The following AATF variants were observed in gnomAD, a reference collection of about 807,000 sequenced individuals.
AATF encodes protein AATF.
Under a neutral mutation model 63.7 loss-of-function variants are expected in AATF, and 48 were observed. The ratio of observed to expected loss-of-function variants is 0.75; its 90% CI spans 0.60 to 0.96. The LOEUF (loss-of-function observed/expected upper bound fraction) is 0.96. AATF is among the 40% of genes least tolerant of loss of function. The probability of loss-of-function intolerance (pLI) is 0.00; values close to 1 mark genes in which losing one functional copy is unlikely to be tolerated. For synonymous variants in AATF, 258 were observed against 247.7 expected, an observed-to-expected ratio of 1.04 and a Z score of -0.39; for missense variants, 639 against 685.7, an observed-to-expected ratio of 0.93 and a Z score of 0.76.
intron 9 of AATF, among the ~76,000 whole-genome samples, chr17:37,019,609 G>C (rs939519622): frequency 6.6e-6 from 1 of 152,122 alleles, no homozygotes; most frequent in Non-Finnish European, 1.5e-5. Flanking sequence ...TTCATCCTGT[G>C]GTTGGAAAAT....
At chr17:36,972,913 C>A (rs2071050582) in intron 4 of AATF, among the ~76,000 whole-genome samples, 2 of 152,198 alleles carry the variant, frequency 1.3e-5, no homozygotes, top group South Asian at 4.1e-4. Context: ...TAGGGTCTTG[C>A]TCATTCAATT....
At chr17:37,032,760 A>G (rs1421722509) in intron 11 of AATF, among the ~76,000 whole-genome samples, 1 of 152,160 alleles carries the variant, frequency 6.6e-6, no homozygotes, top group Non-Finnish European at 1.5e-5. Context: ...AATGTTTTAT[A>G]TACTGAGAGC....
At chr17:36,968,245 T>C (rs1213841357) in intron 4 of AATF, among the ~76,000 whole-genome samples, 1 of 145,108 alleles carries the variant, frequency 6.9e-6, no homozygotes, top group African/African-American at 2.6e-5. Flanking sequence ...TTTTTTCTTT[T>C]TTCTTTTTCT....
intron 11 of AATF, among the ~76,000 whole-genome samples, chr17:37,040,994 C>T (rs148155404): frequency 0.015 from 2,332 of 152,234 alleles, 31 homozygotes; most frequent in South Asian, 0.039. Context: ...TTCTTAGAGA[C>T]AGTATCTTTT....
At chr17:37,051,869 T>G (rs183316884) in intron 11 of AATF, among the ~76,000 whole-genome samples, 9 of 152,260 alleles carry the variant, frequency 5.9e-5, no homozygotes, top group African/African-American at 2.2e-4. Flanking sequence ...GCACTAGAGA[T>G]AGGTAATTAT....
intron 4 of AATF, among the ~76,000 whole-genome samples, chr17:36,981,474 T>G (rs1044459851): frequency 2.0e-5 from 3 of 151,788 alleles, no homozygotes; most frequent in Admixed American, 6.6e-5. Context: ...GACAGGGTCT[T>G]GCTTCGTTAC....
At chr17:37,023,579 G>A (rs547129317) in intron 10 of AATF, among the ~76,000 whole-genome samples, 1 of 132,834 alleles carries the variant, frequency 7.5e-6, no homozygotes, top group African/African-American at 2.8e-5. Flanking sequence ...TTAAAAAGAG[G>A]CATTCTTTTT....
At chr17:36,957,252 G>A (rs1000600524) in intron 4 of AATF, among the ~76,000 whole-genome samples, 2 of 152,208 alleles carry the variant, frequency 1.3e-5, no homozygotes, top group African/African-American at 4.8e-5. Flanking sequence ...GTAAAATGGG[G>A]ATAATATGGT....
chr17:37,045,873 TGCTG>T (rs1317056738), intron 11 of AATF: 2 of 152,238 alleles, frequency 1.3e-5, no homozygotes, highest in African/African-American at 4.8e-5. Flanking sequence ...TGCTCAGTGC[TGCTG>T]GGGAAAGCTC....
At chr17:37,025,563 G>T (rs1484806431) in intron 10 of AATF, among the ~76,000 whole-genome samples, 1 of 152,124 alleles carries the variant, frequency 6.6e-6, no homozygotes, top group Admixed American at 6.5e-5. Flanking sequence ...GGTCAGGAGC[G>T]CCTGGTGCCT....
intron 10 of AATF, among the ~76,000 whole-genome samples, chr17:37,025,635 C>T (rs35042814): frequency 0.015 from 2,222 of 152,288 alleles, 52 homozygotes; most frequent in African/African-American, 0.051. Flanking sequence ...ACATGAAATG[C>T]CTTTGGTTAC....
chr17:37,021,759 C>A (rs1301059684), intron 10 of AATF, among the ~76,000 whole-genome samples: 1 of 85,884 alleles, frequency 1.2e-5, no homozygotes, highest in Non-Finnish European at 2.1e-5. Context: ...GAGCCGAGAT[C>A]GCGCCACTGC....
intron 4 of AATF, among the ~76,000 whole-genome samples, chr17:36,983,252 G>A (rs961684814): frequency 3.3e-5 from 5 of 151,882 alleles, no homozygotes; most frequent in Admixed American, 2.0e-4. Context: ...TACATTGTCC[G>A]GGCTGGTCTT....
At chr17:36,967,342 C>T (rs1304945821) in intron 4 of AATF, among the ~76,000 whole-genome samples, 1 of 152,148 alleles carries the variant, frequency 6.6e-6, no homozygotes. Flanking sequence ...GATTATTTTC[C>T]TTTCCCACAC....
In AATF at chr17:37,019,921, G is replaced by A. The variant is rs77685242; in HGVS notation, c.1466+849G>A. On this transcript the variant is annotated intron_variant, in intron 9 of 11. Transcript: ENST00000619387. ...ATTGCATTTAAGTGGTGATTATATT[G>A]TACATTTATCTGACTTTACAATAAA... 1.7e-3 allele frequency among the ~76,000 whole-genome samples: 261 copies of A among 152,154 alleles called. 10 individuals carry two copies. The East Asian group carries it at 0.047, about 27-fold the overall frequency.
At chr17:36,949,249 G>A (rs1278168176) in intron 1 of AATF, 33 bp downstream of exon 1, 2 of 1,561,034 alleles carry the variant, frequency 1.3e-6, no homozygotes, top group East Asian at 2.4e-5. Flanking sequence ...CACGTGCGGA[G>A]CGGTGGGCCA....
intron 2 of AATF, 69 bp downstream of exon 2, chr17:36,950,474 T>C (rs9905926): frequency 0.11 from 153,618 of 1,429,722 alleles, 20,520 homozygotes; most frequent in African/African-American, 0.66. Context: ...CCTCCGGTCA[T>C]CCCCCATGAT....
Position 36,953,058 on chromosome 17 carries a change from GAGTATC to G in AATF, c.460_465del (p.Ile154_Ser155del). On this transcript the variant is annotated inframe_deletion, in exon 3 of 12. Transcript: ENST00000619387. ...CAAAAACACCGGGCTTCAGTGTCCAGAGTATCAGTGACTTTGAGAAATTTACCAAGG... is the reference window on the plus strand; with the variant it reads ...CAAAAACACCGGGCTTCAGTGTCCAGAGTGACTTTGAGAAATTTACCAAGG... 1 of 1,614,158 alleles carries G rather than the reference GAGTATC, an allele frequency of 6.2e-7. No homozygotes were observed. The highest frequency in any genetic ancestry group is 8.5e-7 in the Non-Finnish European group (1 of 1,180,030).
intron 10 of AATF, among the ~76,000 whole-genome samples, chr17:37,027,989 T>G (rs2142296855): frequency 6.6e-6 from 1 of 152,360 alleles, no homozygotes; most frequent in African/African-American, 2.4e-5. Flanking sequence ...ACAGTATTTT[T>G]GGTTTATATT....
Sources: allele counts gnomAD v4.1 joint callset (sites outside exome capture counted in the v4.1 genomes callset), GRCh38; gene constraint gnomAD v4.1.1; transcripts MANE v1.5; gene names NCBI Gene and HGNC (gene_info 2026-07-23, HGNC 2026-07-21).